ZNF273: variants seen among roughly 807,000 people sequenced by gnomAD.
ZNF273 encodes zinc finger protein 273, also known as zinc finger protein 9.
In ZNF273, 11 loss-of-function variants were observed where a neutral mutation model predicts 14.9. That is an observed-to-expected ratio of 0.74 (90% confidence interval 0.46 to 1.22). ZNF273 has a LOEUF of 1.22. Among genes scored for constraint, ZNF273 ranks in the 50% most tolerant of loss-of-function variants. The probability of loss-of-function intolerance (pLI) is 0.00; values close to 1 mark genes in which losing one functional copy is unlikely to be tolerated. For missense variants in ZNF273, 577 were observed against 660.6 expected, an observed-to-expected ratio of 0.87 and a Z score of 1.39; for synonymous variants, 199 against 223.9, an observed-to-expected ratio of 0.89 and a Z score of 0.99.
At chr7:64,913,999 A>T (rs1177528617) in intron 1 of ZNF273, among the ~76,000 whole-genome samples, 1 of 151,304 alleles carries the variant, frequency 6.6e-6, no homozygotes, top group Non-Finnish European at 1.5e-5. Context: ...TGCAAAAGTA[A>T]TTGTCGTTTT....
At chr7:64,887,049 C>G (rs1307958032) in intron 1 of ZNF273, among the ~76,000 whole-genome samples, 1 of 152,146 alleles carries the variant, frequency 6.6e-6, no homozygotes, top group African/African-American at 2.4e-5. Context: ...TTATTCCTCA[C>G]AAAGGTGTTA....
rs147856988 is a variant in ZNF273, at chr7:64,921,771, A to C, written c.325+3479A>C. Among the ~76,000 whole-genome samples the C allele has an allele frequency of 6.7e-3, 1,014 of 151,058 alleles. 13 individuals are homozygous for C. Among genetic ancestry groups the C allele is most frequent in the African/African-American group, 0.023 (964 of 41,146 alleles). On this transcript the variant is annotated intron_variant, in intron 3 of 3. Coordinates refer to ENST00000476120, the MANE Select transcript of ZNF273 (RefSeq NM_021148.3). ...CTCCCAAGTAACTGGGATTACAGGC[A>C]CTCCCCCACCAACATGCCTGGCTAA...
intron 3 of ZNF273, among the ~76,000 whole-genome samples, chr7:64,927,168 C>T (rs1489660947): frequency 6.6e-6 from 1 of 152,232 alleles, no homozygotes; most frequent in East Asian, 1.9e-4. Flanking sequence ...TCTCAGCTCA[C>T]TGCAGCCTCT....
At chr7:64,913,072 A>G (rs1793689502) in intron 1 of ZNF273, among the ~76,000 whole-genome samples, 3 of 151,864 alleles carry the variant, frequency 2.0e-5, no homozygotes, top group Non-Finnish European at 4.4e-5. Context: ...CAGGTGATCT[A>G]TCCACCTGCC....
Position 64,928,091 on chromosome 7 carries a change from A to G in ZNF273, c.763A>G (p.Ile255Val), listed in dbSNP as rs1794851590. 9 of 1,613,608 alleles carry G rather than the reference A, an allele frequency of 5.6e-6. No individual in the cohort carries two copies. Among genetic ancestry groups the G allele is most frequent in the Non-Finnish European group, 7.6e-6 (9 of 1,179,632 alleles). The change falls in exon 4 of 4, where the codon ATT (isoleucine) becomes GTT (valine). Residue 255 changes from isoleucine to valine, a missense_variant. Physicochemically the swap from Ile to Val is conservative, Grantham distance 29. Around this residue, in one of 3 missense-constraint regions of ZNF273, gnomAD observed 411 missense variants for 440.4 expected, o/e 0.93. Coordinates refer to ENST00000476120, the MANE Select transcript of ZNF273 (RefSeq NM_021148.3). ...CTCAAATCTTACTAAACATAAGATA[A>G]TTCATCCTGAAGTGAATCCCTACAA... ...QFSNLTKHKI[I>V]HPEVNPYKCE...
chr7:64,909,023 C>T (rs1793300890), intron 1 of ZNF273, among the ~76,000 whole-genome samples: 1 of 152,160 alleles, frequency 6.6e-6, no homozygotes, highest in South Asian at 2.1e-4. Flanking sequence ...AATCCTCCTA[C>T]CTCAGCCCCC....
chr7:64,899,589 A>G (rs568823997), upstream of ZNF273, among the ~76,000 whole-genome samples: 4 of 151,944 alleles, frequency 2.6e-5, no homozygotes, highest in Non-Finnish European at 5.9e-5. Flanking sequence ...TGGGAGACAA[A>G]TGTTGAAGTA....
downstream of ZNF273, chr7:64,889,369 G>C: frequency 1.0e-6 from 1 of 968,978 alleles, no homozygotes; most frequent in Non-Finnish European, 1.2e-6. This position sits in a 1 kb window ranked among gnomAD's most constrained non-coding sequence, Gnocchi z 4.2. Context: ...GGTCCGGCCC[G>C]GGGTCATCTG....
At chr7:64,913,128 C>T (rs988351767) in intron 1 of ZNF273, among the ~76,000 whole-genome samples, 14 of 152,068 alleles carry the variant, frequency 9.2e-5, no homozygotes, top group African/African-American at 3.1e-4. Context: ...CCACTGCACC[C>T]GGCCAGCAAC....
chr7:64,922,550 G>T (rs971389369), intron 3 of ZNF273, among the ~76,000 whole-genome samples: 3 of 151,894 alleles, frequency 2.0e-5, no homozygotes, highest in African/African-American at 7.3e-5. Context: ...GACCTCAAGT[G>T]ATCCTCCTGC....
chr7:64,927,982 T>C lies in ZNF273; in HGVS notation c.654T>C (p.Leu218=), dbSNP rs777404880. 6.2e-7 allele frequency: 1 copy of C among 1,613,960 alleles called. No individual in the cohort carries two copies. Reference sequence around the variant, plus strand: ...AATGTGGCAAATCATGTTGCATACTTTCACAACTAACTCAGCATAAGAAAA... The same window carrying C: ...AATGTGGCAAATCATGTTGCATACTCTCACAACTAACTCAGCATAAGAAAA... ...CKECGKSCCI[L]SQLTQHKKTA... Residue 218 remains leucine, a synonymous_variant, in exon 4 of 4, where the codon CTT becomes CTC. Transcript: ENST00000476120.
At chr7:64,918,349 A>T (rs1794160627) in intron 3 of ZNF273, 57 bp downstream of exon 3, 6 of 1,453,510 alleles carry the variant, frequency 4.1e-6, no homozygotes, top group Non-Finnish European at 4.6e-6. Context: ...TCTAAAGGTC[A>T]AGGAGAAAGT....
chr7:64,914,182 ATTTTTTTTTT>A (rs375695781), intron 1 of ZNF273, among the ~76,000 whole-genome samples: 5 of 70,890 alleles, frequency 7.1e-5, no homozygotes, highest in African/African-American at 2.6e-4. Flanking sequence ...TAATTTTTGT[ATTTTTTTTTT>A]TTTTTTTTTT....
upstream of ZNF273, among the ~76,000 whole-genome samples, chr7:64,902,878 T>G (rs1277660477): frequency 6.6e-6 from 1 of 152,188 alleles, no homozygotes; most frequent in Non-Finnish European, 1.5e-5. Context: ...GAGGGGTGAC[T>G]TTGAATAGAA....
At chr7:64,918,346 G>A in intron 3 of ZNF273, 54 bp downstream of exon 3, 1 of 1,466,606 alleles carries the variant, frequency 6.8e-7, no homozygotes, top group South Asian at 1.2e-5. Flanking sequence ...AGGTCTAAAG[G>A]TCAAGGAGAA....
intron 1 of ZNF273, among the ~76,000 whole-genome samples, chr7:64,908,571 G>T (rs899930146): frequency 6.6e-6 from 1 of 152,136 alleles, no homozygotes; most frequent in Non-Finnish European, 1.5e-5. Flanking sequence ...TCCTGCCTCA[G>T]CCTCCTGAGT....
downstream of ZNF273, among the ~76,000 whole-genome samples, chr7:64,891,746 C>T (rs1204215184): frequency 1.3e-5 from 2 of 152,224 alleles, no homozygotes; most frequent in African/African-American, 4.8e-5. Context: ...GTCATAAAGA[C>T]ACAGAAAAGA....
At chr7:64,903,457 G>A in intron 1 of ZNF273, 38 bp downstream of exon 1, 1 of 1,572,904 alleles carries the variant, frequency 6.4e-7, no homozygotes, top group Non-Finnish European at 8.7e-7. Context: ...GAGAGGGGGA[G>A]GGCCTGGTTG....
chr7:64,928,047 G>T lies in ZNF273; in HGVS notation c.719G>T (p.Gly240Val), dbSNP rs1355014449. 2.5e-6 allele frequency: 4 copies of T among 1,613,986 alleles called. No homozygotes were observed. The East Asian group carries it at 8.9e-5, about 36-fold the overall frequency. The change falls in exon 4 of 4, where the codon GGA becomes GTA. Residue 240 changes from glycine (G) to valine (V), a missense_variant. Around this residue, in one of 3 missense-constraint regions of ZNF273, gnomAD observed 411 missense variants for 440.4 expected, o/e 0.93. Coordinates refer to ENST00000476120, the MANE Select transcript of ZNF273 (RefSeq NM_021148.3). Reference sequence around the variant, plus strand: ...AATTTCTACAAATGTAAGACATGTGGAAAAGCCTTTAACCAGTTCTCAAAT... The same window carrying T: ...AATTTCTACAAATGTAAGACATGTGTAAAAGCCTTTAACCAGTTCTCAAAT... ...RVNFYKCKTC[G>V]KAFNQFSNLT...
Sources: allele counts gnomAD v4.1 joint callset (sites outside exome capture counted in the v4.1 genomes callset), GRCh38; gene constraint gnomAD v4.1.1; regional missense constraint gnomAD v4.1.1; non-coding constraint Gnocchi (gnomAD v3.1); transcripts MANE v1.5; gene names NCBI Gene and HGNC (gene_info 2026-07-23, HGNC 2026-07-21).